Variants in SCN1A observed in about 807,000 individuals in gnomAD.
SCN1A encodes the protein sodium channel protein type 1 subunit alpha.
SCN1A carries 13 observed loss-of-function variants against 193.7 expected under a neutral mutation model. That is an observed-to-expected ratio of 0.07 (90% CI 0.04 to 0.11). SCN1A has a LOEUF of 0.11. SCN1A is among the 10% of genes least tolerant of loss of function. SCN1A has a pLI of 1.00. For synonymous variants in SCN1A, 781 were observed against 843.6 expected (o/e 0.93, Z 1.29); for missense variants, 1,432 against 2,451.1 (o/e 0.58, Z 8.78).
In SCN1A at chr2:166,070,661, A is replaced by G. The variant is rs564043297; in HGVS notation, c.264+2697T>C. 5.1e-4 allele frequency among the ~76,000 whole-genome samples: 78 copies of G among 152,264 alleles called. 2 individuals are homozygous for G. In the South Asian group the frequency reaches 9.7e-3, roughly 19 times the overall value. The stretch of plus-strand genomic sequence containing the variant: ...ACAATTTTGTTTTACATCTGTCTTT[A>G]TATCCTTTGCTATATATAATTCATT... On this transcript the variant is annotated intron_variant, in intron 4 of 28. Coordinates refer to ENST00000674923, the MANE Select transcript of SCN1A (RefSeq NM_001165963.4).
At chr2:166,039,809 A>G (rs1696918007) in intron 16 of SCN1A, among the ~76,000 whole-genome samples, 1 of 151,856 alleles carries the variant, frequency 6.6e-6, no homozygotes, top group African/African-American at 2.4e-5. Flanking sequence ...TACAATTATT[A>G]CTTTACAGAT....
intron 2 of SCN1A, among the ~76,000 whole-genome samples, chr2:166,126,648 C>T (rs1353649727): frequency 6.6e-6 from 1 of 152,130 alleles, no homozygotes; most frequent in Non-Finnish European, 1.5e-5. Context: ...CCACGTGAAC[C>T]TGTAAATCCA....
chr2:166,051,835 G>A lies in SCN1A; in HGVS notation c.848C>T (p.Thr283Ile), dbSNP rs1026564918. 6.2e-7 allele frequency: 1 copy of A among 1,612,578 alleles called. No homozygotes were observed. The highest frequency in any genetic ancestry group is 1.1e-5 in the South Asian group (1 of 91,050). Residue 283 changes from threonine (T) to isoleucine (I), a missense_variant, in exon 9 of 29, where the codon ACC (threonine) becomes ATC (isoleucine). Around this residue, in one of 18 missense-constraint regions of SCN1A, gnomAD observed 52 missense variants for 59.6 expected, o/e 0.87. Coordinates refer to ENST00000674923, the MANE Select transcript of SCN1A (RefSeq NM_001165963.4). ...ACTATGTTCCTCCAAGGAAGCATTG[G>A]TGGGAGGCCATTGTATACATTTATT... is the stretch of plus-strand genomic sequence containing the variant. ...LRNKCIQWPPTNASLEEHSIE... is the reference protein window; with the variant it reads ...LRNKCIQWPPINASLEEHSIE...
At chr2:166,036,714 A>G (rs1253054796) in intron 18 of SCN1A, among the ~76,000 whole-genome samples, 184 bp from the exon 19 acceptor site, 3 of 152,222 alleles carry the variant, frequency 2.0e-5, no homozygotes, top group Non-Finnish European at 4.4e-5. Flanking sequence ...TCAATAGCAC[A>G]TCCTTGGACA....
At chr2:166,040,835 G>A (rs890480457) in intron 16 of SCN1A, among the ~76,000 whole-genome samples, 6 of 152,200 alleles carry the variant, frequency 3.9e-5, no homozygotes, top group African/African-American at 1.4e-4. Context: ...ACATTTTTGA[G>A]TTGTTAAATT....
intron 25 of SCN1A, among the ~76,000 whole-genome samples, chr2:165,999,308 A>G (rs980697502): frequency 6.6e-6 from 1 of 151,508 alleles, no homozygotes; most frequent in Admixed American, 6.6e-5. Context: ...TAAGGCTGAC[A>G]GAACAATATC....
At chr2:166,073,204 A>G in intron 4 of SCN1A, 154 bp downstream of exon 4, 2 of 797,852 alleles carry the variant, frequency 2.5e-6, no homozygotes, top group Non-Finnish European at 4.0e-6. Context: ...TTCATTTCTC[A>G]TGTATATGCA....
intron 2 of SCN1A, among the ~76,000 whole-genome samples, chr2:166,103,944 T>C: frequency 6.6e-6 from 1 of 152,218 alleles, no homozygotes; most frequent in East Asian, 1.9e-4. Flanking sequence ...CTAGAGCTGA[T>C]TTGTCTGACT....
chr2:166,030,016 T>C (rs1280545411), intron 19 of SCN1A, among the ~76,000 whole-genome samples: 1 of 152,220 alleles, frequency 6.6e-6, no homozygotes, highest in African/African-American at 2.4e-5. Flanking sequence ...CAGACTATGC[T>C]GTTAACCTAT....
At chr2:166,002,360 T>C (rs927281270) in intron 24 of SCN1A, 112 bp downstream of exon 24, 45 of 1,188,056 alleles carry the variant, frequency 3.8e-5, no homozygotes, top group Admixed American at 1.3e-4. Flanking sequence ...TGAAATTTTT[T>C]AAATAGAAAG....
At chr2:166,126,684 G>C (rs544925556) in intron 2 of SCN1A, among the ~76,000 whole-genome samples, 2 of 152,166 alleles carry the variant, frequency 1.3e-5, no homozygotes, top group Non-Finnish European at 2.9e-5. Context: ...CATTTTATAG[G>C]TGTGATAGCA....
At chr2:166,053,915 T>C (rs1457386204) in intron 7 of SCN1A, among the ~76,000 whole-genome samples, 5 of 151,774 alleles carry the variant, frequency 3.3e-5, no homozygotes, top group Non-Finnish European at 7.4e-5. Flanking sequence ...AGCATTGGGG[T>C]GCATAAACTG....
intron 2 of SCN1A, among the ~76,000 whole-genome samples, chr2:166,102,142 G>C (rs1688150236): frequency 6.6e-6 from 1 of 152,196 alleles, no homozygotes; most frequent in African/African-American, 2.4e-5. Context: ...TGAATCATTA[G>C]AGAAATGAAA....
rs1308625986 is a variant in SCN1A at position 165,991,576 on chromosome 2, T to C, written c.5699A>G (p.Lys1900Arg). ...EERFMASNPS[K>R]VSYQPITTTL... ...AGTAGTGATTGGCTGATAGGAGACC[T>C]TGGAAGGATTGGAAGCCATGAATCG... The change falls in exon 29 of 29, where the codon AAG (lysine) becomes AGG (arginine). Residue 1900 changes from lysine (K) to arginine (R), a missense_variant. Physicochemically the swap from Lys to Arg is conservative, Grantham distance 26. This residue lies in a region of SCN1A where 148 missense variants were observed against 160.3 expected (regional missense o/e 0.92). Coordinates refer to ENST00000674923, the MANE Select transcript of SCN1A (RefSeq NM_001165963.4). The C allele has an allele frequency of 1.9e-6, 3 of 1,613,798 alleles. No homozygotes were observed. The highest frequency in any genetic ancestry group is 2.5e-6 in the Non-Finnish European group (3 of 1,179,916).
intron 2 of SCN1A, among the ~76,000 whole-genome samples, chr2:166,115,340 A>C (rs1021559274): frequency 6.6e-5 from 10 of 152,148 alleles, no homozygotes; most frequent in African/African-American, 2.4e-4. Context: ...GCAGCCTGGG[A>C]AACAAGAGCG....
chr2:166,040,104 G>A (rs1696971272), intron 16 of SCN1A, among the ~76,000 whole-genome samples: 1 of 151,970 alleles, frequency 6.6e-6, no homozygotes, highest in African/African-American at 2.4e-5. Context: ...ATTTTTAGTA[G>A]AGACGGGGTT....
At chr2:166,092,035 G>A (rs796495531) in intron 2 of SCN1A, among the ~76,000 whole-genome samples, 22 of 152,180 alleles carry the variant, frequency 1.4e-4, no homozygotes, top group African/African-American at 5.3e-4. Flanking sequence ...TAAAACAACT[G>A]TTTAGAGCTT....
chr2:166,043,593 T>A, intron 14 of SCN1A, 76 bp downstream of exon 14: 2 of 1,486,016 alleles, frequency 1.3e-6, no homozygotes, highest in South Asian at 2.6e-5. Flanking sequence ...ATTCTCAAGG[T>A]TGCCGTTCTG....
chr2:166,049,944 A>G (rs1436608979), intron 9 of SCN1A, among the ~76,000 whole-genome samples: 1 of 152,030 alleles, frequency 6.6e-6, no homozygotes, highest in Non-Finnish European at 1.5e-5. Context: ...TCAATGTTGG[A>G]TTTTGTAAGA....
Sources: allele counts gnomAD v4.1 joint callset (sites outside exome capture counted in the v4.1 genomes callset), GRCh38; gene constraint gnomAD v4.1.1; regional missense constraint gnomAD v4.1.1; transcripts MANE v1.5; gene names NCBI Gene and HGNC (gene_info 2026-07-23, HGNC 2026-07-21).